Variants in YRDC observed in about 807,000 individuals in gnomAD.
YRDC encodes yrdC N6-threonylcarbamoyltransferase domain containing.
YRDC carries 17 observed loss-of-function variants against 21.5 expected under a neutral mutation model. The ratio of observed to expected loss-of-function variants is 0.79; its 90% CI spans 0.54 to 1.19. YRDC has a LOEUF of 1.19. Among genes scored for constraint, YRDC ranks in the 50% most tolerant of loss-of-function variants. YRDC has a pLI of 0.00. For synonymous variants in YRDC, 193 were observed against 176.7 expected (o/e 1.09, Z -0.73); for missense variants, 380 against 397.1 (o/e 0.96, Z 0.37).
chr1:37,807,459 G>C lies in YRDC; in HGVS notation c.390-244C>G. The C allele has an allele frequency of 8.5e-6, 5 of 587,492 alleles. No individual in the cohort carries two copies. The East Asian group carries it at 8.6e-5, about 10-fold the overall frequency. 36.4% of individuals were successfully genotyped at this position (587,492 alleles called of 1,614,324 possible). A position where few individuals can be genotyped will look rare whatever the true frequency, so the allele number is the denominator to read the frequency against. On this transcript the variant is annotated intron_variant, in intron 1 of 4. Coordinates refer to ENST00000373044, the MANE Select transcript of YRDC (RefSeq NM_024640.4). ...GCTGCACCGCTGTGATATCATGATAGTGGGATCAAGCTCCACGTTTTATTT... is the reference window on the plus strand; with the variant it reads ...GCTGCACCGCTGTGATATCATGATACTGGGATCAAGCTCCACGTTTTATTT...
At position 37,808,144 on chromosome 1, in the gene YRDC, C is replaced by T. The variant is rs1208449117; in HGVS notation, c.37G>A (p.Ala13Thr). The T allele has an allele frequency of 2.7e-6, 4 of 1,472,280 alleles. No homozygotes were observed. Among genetic ancestry groups the T allele is most frequent in the Non-Finnish European group, 1.8e-6 (2 of 1,118,860 alleles). The allele number at this position is 1,472,280 out of a possible 1,614,324, so 91.2% of individuals were successfully genotyped here. A position where few individuals can be genotyped will look rare whatever the true frequency, so the allele number is the denominator to read the frequency against. ...CTCAACCCCACGCTGGCAGCCACCG[C>T]GGCCCTCATCCCCCTGCACCGACGC... ...PARRCRGMRA[A>T]VAASVGLSEG... Residue 13 changes from alanine (A) to threonine (T), a missense_variant, in exon 1 of 5, where the codon GCG becomes ACG. Coordinates refer to ENST00000373044, the MANE Select transcript of YRDC (RefSeq NM_024640.4).
At chr1:37,804,033 C>T in intron 4 of YRDC, 36 bp from the exon 5 acceptor site, 1 of 1,612,450 alleles carries the variant, frequency 6.2e-7, no homozygotes, top group African/African-American at 1.3e-5. Flanking sequence ...AGTCTGACTT[C>T]TCAGAAGTCC....
In YRDC at chr1:37,806,995, G is replaced by A. The variant is rs756779007; in HGVS notation, c.505-19C>T. 6.2e-7 allele frequency: 1 copy of A among 1,614,184 alleles called. No individual in the cohort carries two copies. On this transcript the variant is annotated intron_variant, in intron 2 of 4. Coordinates refer to ENST00000373044, the MANE Select transcript of YRDC (RefSeq NM_024640.4). ...CTACAAGCTGTAAGGCAAGGGGAAAGGGATCATGAGAAAGGTTGGAAGGGA... is the reference window on the plus strand; with the variant it reads ...CTACAAGCTGTAAGGCAAGGGGAAAAGGATCATGAGAAAGGTTGGAAGGGA...
At position 37,803,788 on chromosome 1, in the gene YRDC, CAGAA is replaced by C; in HGVS notation, c.*133_*136del. The stretch of plus-strand genomic sequence containing the variant: ...CTCCAAGGGCTTGGTCTACAGTGCT[CAGAA>C]AGACACACTGCCTTAAAAGTCAGGC... On this transcript the variant is annotated 3_prime_UTR_variant, in exon 5 of 5. Coordinates refer to ENST00000373044, the MANE Select transcript of YRDC (RefSeq NM_024640.4). 1 of 886,844 alleles carries C rather than the reference CAGAA, an allele frequency of 1.1e-6. No homozygotes were observed. Among genetic ancestry groups the C allele is most frequent in the Non-Finnish European group, 1.8e-6 (1 of 569,954 alleles). 54.9% of individuals were successfully genotyped at this position (886,844 alleles called of 1,614,324 possible).
intron 3 of YRDC, among the ~76,000 whole-genome samples, chr1:37,806,479 G>A (rs1034400555): frequency 2.0e-5 from 3 of 152,202 alleles, no homozygotes; most frequent in African/African-American, 4.8e-5. Context: ...TGGGGTCACA[G>A]GCATGAGCCA....
intron 3 of YRDC, 72 bp from the exon 4 acceptor site, chr1:37,804,516 C>T (rs545573876): frequency 2.0e-6 from 3 of 1,527,242 alleles, no homozygotes; most frequent in East Asian, 2.3e-5. Flanking sequence ...TGCACGCAGT[C>T]ATCAAAGGCC....
chr1:37,807,155 G>C lies in YRDC; in HGVS notation c.450C>G (p.Thr150=). Residue 150 remains threonine, a synonymous_variant, in exon 2 of 5, where the codon ACC becomes ACG. Coordinates refer to ENST00000373044, the MANE Select transcript of YRDC (RefSeq NM_024640.4). Reference sequence around the variant, plus strand: ...GCTCCTCCGAGCGTTCCATCACCAGGGTCACTGGTCCTGGCAGTAGGTCTT... The same window carrying C: ...GCTCCTCCGAGCGTTCCATCACCAGCGTCACTGGTCCTGGCAGTAGGTCTT... ...LLKDLLPGPV[T]LVMERSEELN... The C allele has an allele frequency of 2.5e-6, 4 of 1,614,122 alleles. No individual in the cohort carries two copies. The highest frequency in any genetic ancestry group is 2.5e-6 in the Non-Finnish European group (3 of 1,180,030).
intron 2 of YRDC, 34 bp from the exon 3 acceptor site, chr1:37,807,010 G>C (rs1280609796): frequency 1.2e-6 from 2 of 1,614,202 alleles, no homozygotes; most frequent in Non-Finnish European, 8.5e-7. Context: ...CATGAGAAAG[G>C]TTGGAAGGGA....
Position 37,804,588 on chromosome 1 carries a change from G to A in YRDC, c.625-144C>T, listed in dbSNP as rs183087436. 95 of 1,110,158 alleles carry A rather than the reference G, an allele frequency of 8.6e-5. No homozygotes were observed. In the African/African-American group the frequency reaches 1.3e-3, roughly 15 times the overall value. The allele number at this position is 1,110,158 out of a possible 1,614,324, so 68.8% of individuals were successfully genotyped here. A position where few individuals can be genotyped will look rare whatever the true frequency, so the allele number is the denominator to read the frequency against. On this transcript the variant is annotated intron_variant, in intron 3 of 4. Transcript: ENST00000373044. The stretch of plus-strand genomic sequence containing the variant: ...AGAGAAAGGAGCTTCATTTAGTTAA[G>A]GTCAACTGTGCCAAAGACACTGTAT...
intron 1 of YRDC, 73 bp from the exon 2 acceptor site, chr1:37,807,288 G>T: frequency 7.3e-7 from 1 of 1,377,292 alleles, no homozygotes; most frequent in Non-Finnish European, 1.0e-6. Flanking sequence ...ACTCTAGGCA[G>T]ACGTAGAAAA....
rs1300890004 is a variant in YRDC at position 37,803,600 on chromosome 1, CTG to C, written c.*323_*324del. The C allele has an allele frequency of 3.4e-5, 9 of 262,860 alleles. No homozygotes were observed. Among genetic ancestry groups the C allele is most frequent in the African/African-American group, 1.8e-4 (8 of 45,474 alleles). The allele number at this position is 262,860 out of a possible 1,614,324, so 16.3% of individuals were successfully genotyped here. A position where few individuals can be genotyped will look rare whatever the true frequency, so the allele number is the denominator to read the frequency against. ...AGGAGGCTCTCACTAGATTCTAAAT[CTG>C]TTATTTAATTACTTTTCAATTGAAA... On this transcript the variant is annotated 3_prime_UTR_variant, in exon 5 of 5. Coordinates refer to ENST00000373044, the MANE Select transcript of YRDC (RefSeq NM_024640.4).
chr1:37,807,190 CCT>C lies in YRDC; in HGVS notation c.413_414del (p.Glu138GlyfsTer38). On this transcript the variant is annotated frameshift_variant, in exon 2 of 5. Transcript: ENST00000373044. LOFTEE classifies it high-confidence loss of function. ...CCTGGCAGTAGGTCTTTCAGGAGCCCCTCAGGTACTCTCACACGGCAGTATCT... is the reference window on the plus strand; with the variant it reads ...CCTGGCAGTAGGTCTTTCAGGAGCCCCAGGTACTCTCACACGGCAGTATCT... ...VYRYCRVRVP[E>X]GLLKDLLPGP... The C allele has an allele frequency of 6.2e-7, 1 of 1,614,102 alleles. No homozygotes were observed. Among genetic ancestry groups the C allele is most frequent in the Non-Finnish European group, 8.5e-7 (1 of 1,180,004 alleles).
chr1:37,807,747 T>A, intron 1 of YRDC, 45 bp downstream of exon 1: 1 of 1,433,522 alleles, frequency 7.0e-7, no homozygotes, highest in Non-Finnish European at 9.2e-7. Context: ...CGGAAACCCC[T>A]CCCGCGGTGC....
chr1:37,803,787 T>C lies in YRDC; in HGVS notation c.*138A>G. ...GCTCCAAGGGCTTGGTCTACAGTGC[T>C]CAGAAAGACACACTGCCTTAAAAGT... On this transcript the variant is annotated 3_prime_UTR_variant, in exon 5 of 5. Transcript: ENST00000373044. The C allele has an allele frequency of 1.2e-6, 1 of 866,850 alleles. No individual in the cohort carries two copies. Among genetic ancestry groups the C allele is most frequent in the South Asian group, 1.7e-5 (1 of 60,326 alleles). The allele number at this position is 866,850 out of a possible 1,614,324, so 53.7% of individuals were successfully genotyped here. A position where few individuals can be genotyped will look rare whatever the true frequency, so the allele number is the denominator to read the frequency against.
Position 37,807,186 on chromosome 1 carries a change from A to AG in YRDC, c.418dup (p.Leu140ProfsTer37), listed in dbSNP as rs775229622. The AG allele has an allele frequency of 6.2e-7, 1 of 1,614,132 alleles. No individual in the cohort carries two copies. Among genetic ancestry groups the AG allele is most frequent in the South Asian group, 1.1e-5 (1 of 91,090 alleles). ...TGGTCCTGGCAGTAGGTCTTTCAGG[A>AG]GCCCCTCAGGTACTCTCACACGGCA... On this transcript the variant is annotated frameshift_variant, in exon 2 of 5. Transcript: ENST00000373044. LOFTEE classifies it high-confidence loss of function.
intron 3 of YRDC, among the ~76,000 whole-genome samples, chr1:37,806,047 GA>G (rs1646733124): frequency 6.6e-6 from 1 of 152,128 alleles, no homozygotes; most frequent in South Asian, 2.1e-4. Context: ...ATGTAGCCAA[GA>G]AAGGATTAGG....
rs2148392578 is a variant in YRDC at position 37,808,149 on chromosome 1, C to G, written c.32G>C (p.Arg11Thr). 6.8e-7 allele frequency: 1 copy of G among 1,472,022 alleles called. No homozygotes were observed. The highest frequency in any genetic ancestry group is 1.3e-5 in the South Asian group (1 of 78,020). 91.2% of individuals were successfully genotyped at this position (1,472,022 alleles called of 1,614,324 possible). ...CCCCACGCTGGCAGCCACCGCGGCC[C>G]TCATCCCCCTGCACCGACGCGCCGG... Reference protein sequence around the residue: MSPARRCRGMRAAVAASVGLS... With the variant: MSPARRCRGMTAAVAASVGLS... Residue 11 changes from arginine to threonine, a missense_variant, in exon 1 of 5, where the codon AGG (arginine) becomes ACG (threonine). Physicochemically the swap from Arg to Thr is moderately conservative, Grantham distance 71. This residue lies in a region of YRDC where 91 missense variants were observed against 64.7 expected (regional missense o/e 1.41). Transcript: ENST00000373044.
At chr1:37,806,810 G>A (rs774212762) in intron 3 of YRDC, 47 bp downstream of exon 3, 4 of 1,613,002 alleles carry the variant, frequency 2.5e-6, no homozygotes, top group Non-Finnish European at 3.4e-6. Context: ...ACAGAAAACA[G>A]TATGTGCGCT....
intron 3 of YRDC, among the ~76,000 whole-genome samples, chr1:37,805,721 C>G (rs1179348288): frequency 2.0e-5 from 3 of 152,312 alleles, no homozygotes; most frequent in East Asian, 1.9e-4. Context: ...GCTGAACTCT[C>G]ACTTTCTAAG....
Sources: gnomAD v4.1 joint callset for allele counts (sites outside exome capture counted in the v4.1 genomes callset) on GRCh38, gnomAD v4.1.1 for gene constraint, gnomAD v4.1.1 regional missense constraint, MANE v1.5 for transcripts, NCBI Gene and HGNC (gene_info 2026-07-23, HGNC 2026-07-21) for gene names.